The following FSTL5 variants were observed in gnomAD, a reference collection of about 807,000 sequenced individuals.
FSTL5 encodes follistatin-related protein 5.
FSTL5 carries 62 observed loss-of-function variants against 89.1 expected under a neutral mutation model. The ratio of observed to expected loss-of-function variants is 0.70; its 90% CI spans 0.57 to 0.86. The LOEUF (loss-of-function observed/expected upper bound fraction) is 0.86, where lower values mean the gene tolerates loss of function less well. Among genes scored for constraint, FSTL5 ranks in the 40% least tolerant of loss-of-function variants. FSTL5 has a pLI of 0.00. For synonymous variants in FSTL5, 383 were observed against 346.2 expected (o/e 1.11, Z -1.18); for missense variants, 1,057 against 1,001.6 (o/e 1.06, Z -0.75).
intron 4 of FSTL5, among the ~76,000 whole-genome samples, chr4:161,889,859 T>G (rs1010082143): frequency 1.3e-5 from 2 of 152,182 alleles, no homozygotes; most frequent in Admixed American, 1.3e-4. Context: ...AAACATTCTA[T>G]GTTTTATACT....
intron 6 of FSTL5, among the ~76,000 whole-genome samples, chr4:161,733,010 G>A (rs1158205876): frequency 6.6e-6 from 1 of 150,948 alleles, no homozygotes; most frequent in African/African-American, 2.4e-5. Flanking sequence ...CAGAGCATTG[G>A]TTTTTGCTGA....
chr4:161,556,442 T>C (rs1560951892), intron 8 of FSTL5, among the ~76,000 whole-genome samples: 1 of 151,572 alleles, frequency 6.6e-6, no homozygotes, highest in African/African-American at 2.4e-5. Context: ...AAATATAACA[T>C]GTCTTGCATC....
intron 12 of FSTL5, among the ~76,000 whole-genome samples, chr4:161,490,014 T>A (rs1340011532): frequency 6.6e-6 from 1 of 152,148 alleles, no homozygotes; most frequent in East Asian, 1.9e-4. Context: ...GCATTATATT[T>A]GCTTTATTCA....
At chr4:162,086,880 T>C (rs1024452742) in intron 2 of FSTL5, among the ~76,000 whole-genome samples, 6 of 152,122 alleles carry the variant, frequency 3.9e-5, no homozygotes, top group African/African-American at 1.4e-4. Context: ...ATCTGATAGT[T>C]TGGTTAAATC....
chr4:161,881,559 C>T (rs1289268947), intron 4 of FSTL5, among the ~76,000 whole-genome samples: 7 of 151,958 alleles, frequency 4.6e-5, no homozygotes, highest in Non-Finnish European at 1.0e-4. Context: ...ATTTCAACTC[C>T]AGCGCGTTTT....
intron 15 of FSTL5, among the ~76,000 whole-genome samples, chr4:161,408,179 TCTC>T (rs1344557784): frequency 1.3e-5 from 2 of 152,060 alleles, no homozygotes; most frequent in Non-Finnish European, 1.5e-5. Context: ...TCACCTCTCT[TCTC>T]CTCACACCAC....
chr4:161,917,247 C>G (rs1043875675), intron 4 of FSTL5, among the ~76,000 whole-genome samples: 1 of 152,118 alleles, frequency 6.6e-6, no homozygotes, highest in Non-Finnish European at 1.5e-5. Context: ...TGAGCCACCG[C>G]GCCCAACCTT....
At position 161,724,310 on chromosome 4, in the gene FSTL5, C is replaced by T. The variant is rs74702150; in HGVS notation, c.727+35101G>A. 3.3e-5 allele frequency among the ~76,000 whole-genome samples: 5 copies of T among 152,106 alleles called. No homozygotes were observed. The East Asian group carries it at 5.8e-4, about 18-fold the overall frequency. ...AAATAAGCATTGTTAGCAATTAATG[C>T]AATTATTAATAGCAAAAAAGATCTC... On this transcript the variant is annotated intron_variant, in intron 6 of 15. Transcript: ENST00000306100.
chr4:162,145,320 G>T (rs1296696905), intron 1 of FSTL5, among the ~76,000 whole-genome samples: 1 of 152,034 alleles, frequency 6.6e-6, no homozygotes, highest in Non-Finnish European at 1.5e-5. Context: ...TAAGTGGGAT[G>T]TTACTGATAG....
intron 5 of FSTL5, among the ~76,000 whole-genome samples, chr4:161,762,410 T>C (rs572849013): frequency 6.6e-6 from 1 of 152,344 alleles, no homozygotes; most frequent in East Asian, 1.9e-4. Context: ...CTTGCACTTC[T>C]TTCATTTAGT....
At chr4:162,001,319 C>T (rs1370964125) in intron 3 of FSTL5, among the ~76,000 whole-genome samples, 1 of 151,944 alleles carries the variant, frequency 6.6e-6, no homozygotes, top group Non-Finnish European at 1.5e-5. Flanking sequence ...TATCTATCCT[C>T]CTATCTATCT....
At chr4:161,703,559 C>T (rs537361087) in intron 6 of FSTL5, among the ~76,000 whole-genome samples, 11 of 152,158 alleles carry the variant, frequency 7.2e-5, no homozygotes, top group South Asian at 6.2e-4. Flanking sequence ...TTTGTTCCCT[C>T]CATATGTGTA....
chr4:162,054,794 T>A (rs1738485177), intron 2 of FSTL5, among the ~76,000 whole-genome samples: 1 of 151,972 alleles, frequency 6.6e-6, no homozygotes, highest in Admixed American at 6.6e-5. Context: ...GTGTCTGAAA[T>A]GTAATGTTCA....
intron 15 of FSTL5, among the ~76,000 whole-genome samples, chr4:161,449,161 T>G (rs977600749): frequency 2.0e-5 from 3 of 152,146 alleles, no homozygotes; most frequent in Non-Finnish European, 4.4e-5. Context: ...TCTATTCATC[T>G]TACTGCTTAT....
At chr4:161,587,622 G>A in intron 7 of FSTL5, 47 bp from the exon 8 acceptor site, 2 of 1,479,276 alleles carry the variant, frequency 1.4e-6, no homozygotes, top group Non-Finnish European at 1.8e-6. Flanking sequence ...TGAATTAATT[G>A]TAACAATTTC....
intron 4 of FSTL5, among the ~76,000 whole-genome samples, chr4:161,861,209 G>A (rs1731900131): frequency 1.3e-5 from 2 of 152,120 alleles, no homozygotes; most frequent in Admixed American, 1.3e-4. Context: ...GATCACCTGA[G>A]GTCAGGAGTT....
chr4:161,845,835 CAGGAGTTCGAGACCAGCCT>C (rs1301323720), intron 4 of FSTL5, among the ~76,000 whole-genome samples: 1 of 152,066 alleles, frequency 6.6e-6, no homozygotes, highest in African/African-American at 2.4e-5. Flanking sequence ...CCCTAGAGGT[CAGGAGTTCGAGACCAGCCT>C]GGCCAACATG....
chr4:161,877,426 G>GTAGA (rs1732481143), intron 4 of FSTL5, among the ~76,000 whole-genome samples: 2 of 150,006 alleles, frequency 1.3e-5, no homozygotes, highest in Admixed American at 1.3e-4. Context: ...AGATAAAATA[G>GTAGA]AAAAAATATT....
chr4:161,458,449 C>T (rs1487018016), intron 14 of FSTL5, among the ~76,000 whole-genome samples: 1 of 151,938 alleles, frequency 6.6e-6, no homozygotes, highest in Non-Finnish European at 1.5e-5. Flanking sequence ...AACTCAGAAA[C>T]ATTAAAAGTC....
Sources: gnomAD v4.1 joint callset for allele counts (sites outside exome capture counted in the v4.1 genomes callset) on GRCh38, gnomAD v4.1.1 for gene constraint, MANE v1.5 for transcripts, NCBI Gene and HGNC (gene_info 2026-07-23, HGNC 2026-07-21) for gene names.